Variants in ADGRG7 observed in about 807,000 individuals in gnomAD.
ADGRG7 encodes adhesion G protein-coupled receptor G7.
A neutral mutation model predicts 88.6 loss-of-function variants in ADGRG7; 82 were observed. The ratio of observed to expected loss-of-function variants is 0.93; its 90% confidence interval spans 0.77 to 1.11. The LOEUF (loss-of-function observed/expected upper bound fraction) is 1.11, where lower values mean the gene tolerates loss of function less well. Ranked by LOEUF, ADGRG7 falls within the 50% of genes most tolerant of loss-of-function variation. The probability of loss-of-function intolerance (pLI) is 0.00; values close to 1 mark genes in which losing one functional copy is unlikely to be tolerated. For missense variants in ADGRG7, 945 were observed against 953.4 expected (o/e 0.99, Z 0.12); for synonymous variants, 381 against 345.2 (o/e 1.10, Z -1.15).
chr3:100,676,666 C>A (rs76655105), intron 15 of ADGRG7, among the ~76,000 whole-genome samples: 1,888 of 151,988 alleles, frequency 0.012, 111 homozygotes, highest in Admixed American at 0.1. Flanking sequence ...GATTTTCTGT[C>A]TGGAAGATCT....
chr3:100,624,643 T>G (rs2149014798), intron 1 of ADGRG7, among the ~76,000 whole-genome samples: 2 of 152,320 alleles, frequency 1.3e-5, no homozygotes, highest in South Asian at 4.1e-4. Flanking sequence ...TGCCTAGGTT[T>G]TCTTCTAGGG....
At chr3:100,664,185 A>G (rs527780960) in intron 14 of ADGRG7, among the ~76,000 whole-genome samples, 1 of 152,254 alleles carries the variant, frequency 6.6e-6, no homozygotes, top group Non-Finnish European at 1.5e-5. Context: ...ATTTCACCAA[A>G]TCTGGAATAC....
Position 100,695,172 on chromosome 3 carries a change from GT to G in ADGRG7, c.*176del. On this transcript the variant is annotated 3_prime_UTR_variant, in exon 16 of 16. Transcript: ENST00000273352. Reference sequence around the variant, plus strand: ...ATTATTCGGCATAATGGACTTGGTAGTTTTTCTATTTTTCAATAGATTTGTA... The same window carrying G: ...ATTATTCGGCATAATGGACTTGGTAGTTTTCTATTTTTCAATAGATTTGTA... The G allele has an allele frequency of 1.5e-6, 1 of 654,168 alleles. No homozygotes were observed. The highest frequency in any genetic ancestry group is 2.5e-6 in the Non-Finnish European group (1 of 397,840). 40.5% of individuals were successfully genotyped at this position (654,168 alleles called of 1,614,324 possible). A position where few individuals can be genotyped will look rare whatever the true frequency, so the allele number is the denominator to read the frequency against.
intron 13 of ADGRG7, among the ~76,000 whole-genome samples, chr3:100,657,811 A>G (rs745746172): frequency 3.9e-5 from 6 of 152,172 alleles, no homozygotes; most frequent in Non-Finnish European, 8.8e-5. Flanking sequence ...TTGCATTTTT[A>G]AATTCATTAT....
At position 100,655,910 on chromosome 3, in the gene ADGRG7, A is replaced by G. The variant is rs780285544; in HGVS notation, c.1738A>G (p.Ile580Val). 7 of 1,589,166 alleles carry G rather than the reference A, an allele frequency of 4.4e-6. No homozygotes were observed. In the South Asian group the frequency reaches 5.5e-5, roughly 13 times the overall value. ...TCTTTATCACATAGGAGTCCCAGCT[A>G]TAGTAGTGGCTATAACAGTGGGAGT... The part of the protein sequence containing the change: ...ISLIGWGVPA[I>V]VVAITVGVIY... Residue 580 changes from isoleucine to valine, a missense_variant, in exon 13 of 16, where the codon ATA becomes GTA. Physicochemically the swap from Ile to Val is conservative, Grantham distance 29 (BLOSUM62 3). Transcript: ENST00000273352.
intron 5 of ADGRG7, among the ~76,000 whole-genome samples, chr3:100,636,871 A>G (rs184545918): frequency 4.3e-4 from 65 of 152,340 alleles, no homozygotes; most frequent in Admixed American, 4.2e-3. Context: ...AAAGAAAACT[A>G]CAAATAATTT....
At chr3:100,629,953 C>T (rs1278276923) in intron 2 of ADGRG7, among the ~76,000 whole-genome samples, 1 of 152,108 alleles carries the variant, frequency 6.6e-6, no homozygotes, top group African/African-American at 2.4e-5. Flanking sequence ...TGCAAACTCA[C>T]AGTCGTGTTT....
chr3:100,684,266 T>TATTTATTG (rs1553696302), intron 15 of ADGRG7, among the ~76,000 whole-genome samples: 1 of 150,718 alleles, frequency 6.6e-6, no homozygotes, highest in East Asian at 1.9e-4. Flanking sequence ...TCTATTTATT[T>TATTTATTG]ATTTATTTAT....
chr3:100,630,531 G>A (rs1308981603), intron 2 of ADGRG7, among the ~76,000 whole-genome samples, 174 bp from the exon 3 acceptor site: 1 of 152,038 alleles, frequency 6.6e-6, no homozygotes, highest in Non-Finnish European at 1.5e-5. Flanking sequence ...TTATTCTAAC[G>A]GCAATGACTT....
chr3:100,663,485 G>A (rs1293067410), intron 14 of ADGRG7, among the ~76,000 whole-genome samples: 1 of 151,842 alleles, frequency 6.6e-6, no homozygotes, highest in African/African-American at 2.4e-5. Context: ...AGATTCTTTT[G>A]CCTCCAAGAA....
intron 15 of ADGRG7, among the ~76,000 whole-genome samples, chr3:100,681,520 AG>A (rs936662158): frequency 6.6e-6 from 1 of 152,176 alleles, no homozygotes; most frequent in African/African-American, 2.4e-5. Context: ...CATGTTGGCC[AG>A]GCTGGTCTTG....
chr3:100,646,379 A>T (rs1441362342), intron 9 of ADGRG7, among the ~76,000 whole-genome samples, 190 bp from the exon 10 acceptor site: 2 of 152,210 alleles, frequency 1.3e-5, no homozygotes, highest in South Asian at 2.1e-4. Flanking sequence ...CTGTTGTCAA[A>T]CTAACTAAAT....
rs149467227 is a variant in ADGRG7, at chr3:100,689,447, T to C, written c.2137-5297T>C. Among the ~76,000 whole-genome samples the C allele has an allele frequency of 3.4e-3, 517 of 152,356 alleles. 5 individuals are homozygous for C. Among genetic ancestry groups the C allele is most frequent in the Non-Finnish European group, 5.0e-3 (339 of 68,032 alleles). ...GTTAGCCAGTTATTTTGCTCGTTAGTTGATGCAGTTTCTTCCTAGCCTCGA... is the reference window on the plus strand; with the variant it reads ...GTTAGCCAGTTATTTTGCTCGTTAGCTGATGCAGTTTCTTCCTAGCCTCGA... On this transcript the variant is annotated intron_variant, in intron 15 of 15. Transcript: ENST00000273352.
chr3:100,659,753 T>C lies in ADGRG7; in HGVS notation c.1889T>C (p.Val630Ala), dbSNP rs747598803. ...IKSPLLWSFI[V>A]PVTIILISNV... is the part of the protein sequence containing the mutation. Reference sequence around the variant, plus strand: ...AGTCCGCTGTTGTGGTCATTCATCGTACCTGTAACCATTATCCTCATCAGC... The same window carrying C: ...AGTCCGCTGTTGTGGTCATTCATCGCACCTGTAACCATTATCCTCATCAGC... The change falls in exon 14 of 16, where the codon GTA (valine) becomes GCA (alanine). Residue 630 changes from valine to alanine, a missense_variant. Transcript: ENST00000273352. The C allele has an allele frequency of 6.2e-7, 1 of 1,614,108 alleles. No individual in the cohort carries two copies. Among genetic ancestry groups the C allele is most frequent in the Admixed American group, 1.7e-5 (1 of 60,024 alleles).
chr3:100,609,828 C>T lies in ADGRG7; in HGVS notation c.-29C>T, dbSNP rs1014987192. The T allele has an allele frequency of 1.3e-6, 2 of 1,517,994 alleles. No individual in the cohort carries two copies. The highest frequency in any genetic ancestry group is 2.7e-5 in the African/African-American group (2 of 72,958). 94.0% of individuals were successfully genotyped at this position (1,517,994 alleles called of 1,614,324 possible). On this transcript the variant is annotated 5_prime_UTR_variant, in exon 1 of 16. Transcript: ENST00000273352. ...GAAAAGAAGCTAGTTATTTCTCACC[C>T]AGGAGTGGATTTGTGGTTTGGCTTC...
intron 15 of ADGRG7, among the ~76,000 whole-genome samples, chr3:100,684,035 G>A (rs1173694864): frequency 1.3e-5 from 2 of 152,052 alleles, no homozygotes; most frequent in Non-Finnish European, 2.9e-5. Context: ...ATACCTCTCA[G>A]CAATATAACA....
chr3:100,689,533 T>C (rs1035806062), intron 15 of ADGRG7, among the ~76,000 whole-genome samples: 3 of 152,240 alleles, frequency 2.0e-5, no homozygotes, highest in Non-Finnish European at 4.4e-5. Flanking sequence ...TTTCCATATT[T>C]AGTGCTTCCT....
intron 15 of ADGRG7, among the ~76,000 whole-genome samples, chr3:100,683,491 C>G (rs1315470409): frequency 6.6e-6 from 1 of 152,256 alleles, no homozygotes; most frequent in Non-Finnish European, 1.5e-5. Context: ...TCTGCAGCCT[C>G]TCAGGGAGCT....
chr3:100,646,963 G>A (rs2149026533), intron 10 of ADGRG7, among the ~76,000 whole-genome samples: 1 of 152,244 alleles, frequency 6.6e-6, no homozygotes, highest in African/African-American at 2.4e-5. Context: ...TTCGAGACCA[G>A]CCTGACCAAC....
Sources: gnomAD v4.1 joint callset for allele counts (sites outside exome capture counted in the v4.1 genomes callset) on GRCh38, gnomAD v4.1.1 for gene constraint, MANE v1.5 for transcripts, NCBI Gene and HGNC (gene_info 2026-07-23, HGNC 2026-07-21) for gene names.